CACNA1S: variants seen among roughly 807,000 people sequenced by gnomAD.
CACNA1S encodes the protein calcium voltage-gated channel subunit alpha1 S.
A neutral mutation model predicts 207.4 loss-of-function variants in CACNA1S; 126 were observed. That is an observed-to-expected ratio of 0.61 (90% CI 0.53 to 0.70). The LOEUF (loss-of-function observed/expected upper bound fraction) is 0.70. CACNA1S is among the 30% of genes least tolerant of loss of function. CACNA1S has a pLI of 0.00. For missense variants in CACNA1S, 2,349 were observed against 2,422.8 expected, an observed-to-expected ratio of 0.97 and a Z score of 0.64; for synonymous variants, 960 against 932.7, an observed-to-expected ratio of 1.03 and a Z score of -0.53.
chr1:201,073,052 C>T (rs558658836), intron 15 of CACNA1S, among the ~76,000 whole-genome samples: 74 of 152,330 alleles, frequency 4.9e-4, no homozygotes, highest in African/African-American at 1.8e-3. Context: ...CCGCCCTAGC[C>T]TGTCTGACTC....
chr1:201,077,820 C>T, intron 11 of CACNA1S, 59 bp downstream of exon 11: 1 of 1,211,896 alleles, frequency 8.3e-7, no homozygotes, highest in Non-Finnish European at 1.2e-6. Context: ...GGGTGTAGAC[C>T]AGACCAGCCC....
At position 201,092,089 on chromosome 1, in the gene CACNA1S, C is replaced by T. The variant is rs1233647847; in HGVS notation, c.424G>A (p.Val142Ile). 2 of 1,614,048 alleles carry T rather than the reference C, an allele frequency of 1.2e-6. No individual in the cohort carries two copies. Among genetic ancestry groups the T allele is most frequent in the Middle Eastern group, 1.6e-4 (1 of 6,062 alleles). The change falls in exon 4 of 44, where the codon GTT becomes ATT. Residue 142 changes from valine to isoleucine, a missense_variant. Val to Ile is a conservative substitution (Grantham distance 29). Transcript: ENST00000362061. ...LGVFTVILEQ[V>I]NVIQSHTAPM... ...GCTGTGTGGCTTTGGATGACGTTAA[C>T]CTGTTCCAGAATCACGGTGAAGACC... is the stretch of plus-strand genomic sequence containing the variant.
intron 1 of CACNA1S, 134 bp from the exon 2 acceptor site, chr1:201,110,403 A>G: frequency 1.3e-6 from 1 of 772,876 alleles, no homozygotes; most frequent in Non-Finnish European, 2.3e-6. Flanking sequence ...ACGCTCGCCC[A>G]CGCTGCTCCT....
In CACNA1S at chr1:201,053,354, A is replaced by AGGGCTCTGCCTTGCCCAGGGCTCCCCT; in HGVS notation, c.3795+78_3796-81dup. 1.2e-6 allele frequency: 2 copies of AGGGCTCTGCCTTGCCCAGGGCTCCCCT among 1,610,442 alleles called. No individual in the cohort carries two copies. On this transcript the variant is annotated intron_variant, in intron 30 of 43. Coordinates refer to ENST00000362061, the MANE Select transcript of CACNA1S (RefSeq NM_000069.3). This position sits in a 1 kb window ranked among gnomAD's most constrained non-coding sequence, Gnocchi z 5.1. ...CAGCCCTGCCCTCTGTTAGCTCCCC[A>AGGGCTCTGCCTTGCCCAGGGCTCCCCT]GGGCTCTGCCTTGCCCAGGGCTCCC...
intron 12 of CACNA1S, among the ~76,000 whole-genome samples, chr1:201,076,432 G>A (rs151295335): frequency 2.0e-5 from 3 of 152,386 alleles, no homozygotes; most frequent in Non-Finnish European, 4.4e-5. Flanking sequence ...GGAGGCCAGG[G>A]ACCCTGAAAG....
chr1:201,110,031 TG>T, intron 2 of CACNA1S, 132 bp downstream of exon 2: 2 of 817,028 alleles, frequency 2.4e-6, no homozygotes, highest in Non-Finnish European at 4.3e-6. Context: ...TGCAGGTGGC[TG>T]GGGATGCAGG....
intron 19 of CACNA1S, among the ~76,000 whole-genome samples, chr1:201,067,225 T>G (rs762489867): frequency 1.3e-5 from 2 of 152,224 alleles, no homozygotes; most frequent in Non-Finnish European, 2.9e-5. Flanking sequence ...GAAGTCTCTT[T>G]CTTTACATGC....
At chr1:201,110,831 C>T (rs963110874) in intron 1 of CACNA1S, among the ~76,000 whole-genome samples, 5 of 152,186 alleles carry the variant, frequency 3.3e-5, no homozygotes, top group Admixed American at 6.5e-5. Context: ...CTCCCAGACA[C>T]ACCCACCCCG....
In CACNA1S at chr1:201,099,531, G is replaced by A. The variant is rs769986996; in HGVS notation, c.259-5510C>T. On this transcript the variant is annotated intron_variant, in intron 2 of 43. Coordinates refer to ENST00000362061, the MANE Select transcript of CACNA1S (RefSeq NM_000069.3). ...CAGGCATAAATCTCACTGGGACAGGGAGGCAATGGACTCATATTCGTTGTT... is the reference window on the plus strand; with the variant it reads ...CAGGCATAAATCTCACTGGGACAGGAAGGCAATGGACTCATATTCGTTGTT... 6.6e-4 allele frequency among the ~76,000 whole-genome samples: 100 copies of A among 152,230 alleles called. 1 individual carries two copies. The highest frequency in any genetic ancestry group is 3.5e-4 in the Non-Finnish European group (24 of 68,050).
chr1:201,042,249 C>G (rs1241781561), intron 40 of CACNA1S, among the ~76,000 whole-genome samples: 14 of 152,226 alleles, frequency 9.2e-5, no homozygotes, highest in Admixed American at 9.2e-4. Context: ...ATTCTTCTGC[C>G]TCAGCCTCCC....
Position 201,093,982 on chromosome 1 carries a change from C to T in CACNA1S, c.298G>A (p.Glu100Lys), listed in dbSNP as rs1298520651. ...TAGGCAATGATCTTCATGGCGGCTTCAATCGAGAAGACAATGAGGAAGAAA... is the reference window on the plus strand; with the variant it reads ...TAGGCAATGATCTTCATGGCGGCTTTAATCGAGAAGACAATGAGGAAGAAA... ...EYFFLIVFSI[E>K]AAMKIIAYGF... Residue 100 changes from glutamate (E) to lysine (K), a missense_variant, in exon 3 of 44, where the codon GAA becomes AAA. Transcript: ENST00000362061. 1.2e-6 allele frequency: 2 copies of T among 1,614,230 alleles called. No homozygotes were observed. The highest frequency in any genetic ancestry group is 1.7e-6 in the Non-Finnish European group (2 of 1,180,046).
chr1:201,050,295 C>CTT, intron 34 of CACNA1S, 94 bp downstream of exon 34: 1 of 1,353,542 alleles, frequency 7.4e-7, no homozygotes, highest in Non-Finnish European at 1.1e-6. Flanking sequence ...GAGAAGCCCA[C>CTT]TCATACTGAA....
chr1:201,055,657 C>T (rs1212179418), intron 28 of CACNA1S, among the ~76,000 whole-genome samples: 1 of 152,180 alleles, frequency 6.6e-6, no homozygotes, highest in Non-Finnish European at 1.5e-5. Context: ...CTCTATTGGA[C>T]AGGGCAGACC....
At chr1:201,046,167 TTTATTTA>T (rs150282480) in intron 38 of CACNA1S, among the ~76,000 whole-genome samples, 18,423 of 134,432 alleles carry the variant, frequency 0.14, 1,160 homozygotes, top group African/African-American at 0.21. Context: ...TATTTATTTA[TTTATTTA>T]TTATTTATTT....
At chr1:201,100,169 G>GA (rs1399422087) in intron 2 of CACNA1S, among the ~76,000 whole-genome samples, 1 of 152,202 alleles carries the variant, frequency 6.6e-6, no homozygotes, top group Non-Finnish European at 1.5e-5. Context: ...TGGTTCACAG[G>GA]AAAAAATAAG....
At position 201,048,603 on chromosome 1, in the gene CACNA1S, C is replaced by T; in HGVS notation, c.4420G>A (p.Ala1474Thr). 6.2e-7 allele frequency: 1 copy of T among 1,613,834 alleles called. No homozygotes were observed. Among genetic ancestry groups the T allele is most frequent in the Non-Finnish European group, 8.5e-7 (1 of 1,179,854 alleles). Residue 1474 changes from alanine (A) to threonine (T), a missense_variant, in exon 36 of 44, where the codon GCA (alanine) becomes ACA (threonine). By Grantham distance (58) the Ala-to-Thr change is moderately conservative. Transcript: ENST00000362061. The stretch of plus-strand genomic sequence containing the variant: ...TCACCTTCCGTCTTGATCTTGAGTG[C>T]CGTGCGGACCAGGGCAAAGAGTGTG... ...NATLFALVRT[A>T]LKIKTEGNFE...
chr1:201,067,055 G>T, intron 19 of CACNA1S, 62 bp from the exon 20 acceptor site: 1 of 1,098,118 alleles, frequency 9.1e-7, no homozygotes, highest in Non-Finnish European at 1.4e-6. Flanking sequence ...GTCTCCCACA[G>T]ACAAGGGCTT....
intron 28 of CACNA1S, among the ~76,000 whole-genome samples, chr1:201,057,549 G>A (rs1330217906): frequency 2.6e-5 from 4 of 152,186 alleles, no homozygotes; most frequent in African/African-American, 9.7e-5. Flanking sequence ...ATCATGCCTG[G>A]CACATGGGAG....
At chr1:201,073,451 C>A in intron 15 of CACNA1S, 98 bp downstream of exon 15, 1 of 1,008,332 alleles carries the variant, frequency 9.9e-7, no homozygotes. Context: ...ACTCTCCTAC[C>A]TCCCCACCCT....
Sources: allele counts gnomAD v4.1 joint callset (sites outside exome capture counted in the v4.1 genomes callset), GRCh38; gene constraint gnomAD v4.1.1; non-coding constraint Gnocchi (gnomAD v3.1); transcripts MANE v1.5; gene names NCBI Gene and HGNC (gene_info 2026-07-23, HGNC 2026-07-21).